PTPRN2: variants seen among roughly 807,000 people sequenced by gnomAD.
The protein encoded by PTPRN2 is receptor-type tyrosine-protein phosphatase N2.
A neutral mutation model predicts 118.8 loss-of-function variants in PTPRN2; 74 were observed. That is an observed-to-expected ratio of 0.62 (90% CI 0.52 to 0.76). PTPRN2 has a LOEUF of 0.76. Among genes scored for constraint, PTPRN2 ranks in the 30% least tolerant of loss-of-function variants. PTPRN2 has a pLI of 0.00. For missense variants in PTPRN2, 1,481 were observed against 1,394.4 expected, an observed-to-expected ratio of 1.06 and a Z score of -0.99; for synonymous variants, 641 against 608.0, an observed-to-expected ratio of 1.05 and a Z score of -0.80.
rs189299492 is a variant in PTPRN2 at position 157,845,480 on chromosome 7, G to A, written c.1788+53193C>T. Among the ~76,000 whole-genome samples, 86 of 151,692 alleles carry A rather than the reference G, an allele frequency of 5.7e-4. No homozygotes were observed. Among genetic ancestry groups the A allele is most frequent in the African/African-American group, 1.8e-3 (76 of 41,292 alleles). On this transcript the variant is annotated intron_variant, in intron 12 of 22. Coordinates refer to ENST00000389418, the MANE Select transcript of PTPRN2 (RefSeq NM_002847.5). The surrounding 1 kb of genome is among the most constrained non-coding windows in gnomAD (Gnocchi z 4.5). ...ACACAGCCTAACTCACCATGTTCCCGACCACACCCTGGTGAACCACGCAGC... is the reference window on the plus strand; with the variant it reads ...ACACAGCCTAACTCACCATGTTCCCAACCACACCCTGGTGAACCACGCAGC...
intron 12 of PTPRN2, among the ~76,000 whole-genome samples, chr7:157,743,277 C>G (rs929521723): frequency 6.6e-6 from 1 of 152,260 alleles, no homozygotes; most frequent in Non-Finnish European, 1.5e-5. Flanking sequence ...GAATGTCAGC[C>G]GCCTTCCACA....
intron 11 of PTPRN2, among the ~76,000 whole-genome samples, chr7:158,058,930 C>T (rs1395753417): frequency 1.8e-5 from 2 of 108,324 alleles, no homozygotes; most frequent in Non-Finnish European, 3.6e-5. Flanking sequence ...GACATCACTG[C>T]AGCCACACTC....
chr7:157,673,763 C>T lies in PTPRN2; in HGVS notation c.2001+8962G>A, dbSNP rs560156946. On this transcript the variant is annotated intron_variant, in intron 13 of 22. Coordinates refer to ENST00000389418, the MANE Select transcript of PTPRN2 (RefSeq NM_002847.5). ...CTTCCTCTCCCACGTTCTGTTCTCA[C>T]GTACTCTGAACCCCACGCGGCACCC... 2.4e-4 allele frequency among the ~76,000 whole-genome samples: 36 copies of T among 152,278 alleles called. No homozygotes were observed. The South Asian group carries it at 5.8e-3, about 25-fold the overall frequency.
At chr7:158,557,288 T>C (rs1383663777) in intron 1 of PTPRN2, among the ~76,000 whole-genome samples, 15 of 129,348 alleles carry the variant, frequency 1.2e-4, no homozygotes, top group Non-Finnish European at 2.4e-4. Flanking sequence ...GCGGCTCCTG[T>C]GCAGGTCGCT....
At chr7:158,275,628 A>T (rs1400367918) in intron 3 of PTPRN2, among the ~76,000 whole-genome samples, 2 of 152,258 alleles carry the variant, frequency 1.3e-5, no homozygotes, top group African/African-American at 2.4e-5. Flanking sequence ...TTAATAATTT[A>T]AAATTGCTAA....
chr7:157,679,716 T>G (rs917396), intron 13 of PTPRN2, among the ~76,000 whole-genome samples: 121,890 of 147,634 alleles, frequency 0.83, 49,842 homozygotes, highest in Non-Finnish European at 0.9. Context: ...GGGTCGGGGC[T>G]GGGGGGTTCT....
chr7:157,645,649 G>C lies in PTPRN2; in HGVS notation c.2196+10708C>G, dbSNP rs114183537. 4.8e-3 allele frequency among the ~76,000 whole-genome samples: 728 copies of C among 152,320 alleles called. 4 individuals are homozygous for C. The highest frequency in any genetic ancestry group is 0.016 in the African/African-American group (672 of 41,558). The stretch of plus-strand genomic sequence containing the variant: ...GCTGTTAGGAGGGTGGGGCCGGGCT[G>C]TACACACTCATGCAGGGCCCTCTCC... On this transcript the variant is annotated intron_variant, in intron 14 of 22. Transcript: ENST00000389418.
chr7:157,789,347 G>A (rs544237454), intron 12 of PTPRN2, among the ~76,000 whole-genome samples: 6 of 152,304 alleles, frequency 3.9e-5, no homozygotes, highest in African/African-American at 1.4e-4. Flanking sequence ...CCTCCTGGTG[G>A]TCCCGGGGCA....
chr7:158,314,998 G>A (rs112091415), intron 3 of PTPRN2, among the ~76,000 whole-genome samples: 526 of 99,648 alleles, frequency 5.3e-3, no homozygotes, highest in African/African-American at 8.1e-3. Flanking sequence ...AGGTGAACCC[G>A]GGACCCCCTG....
intron 5 of PTPRN2, among the ~76,000 whole-genome samples, chr7:158,177,839 T>C (rs1824353742): frequency 1.3e-5 from 2 of 152,248 alleles, no homozygotes; most frequent in African/African-American, 2.4e-5. Flanking sequence ...GATACGTGTG[T>C]AAATCTTTGA....
chr7:157,666,419 A>C (rs1405689844), intron 13 of PTPRN2, among the ~76,000 whole-genome samples: 1 of 152,070 alleles, frequency 6.6e-6, no homozygotes, highest in Non-Finnish European at 1.5e-5. Context: ...ACGGTTTTGC[A>C]GGTCATCTCC....
intron 11 of PTPRN2, among the ~76,000 whole-genome samples, chr7:157,918,497 G>A (rs1245194974): frequency 1.3e-5 from 2 of 152,156 alleles, no homozygotes; most frequent in Admixed American, 6.5e-5. Flanking sequence ...AGCAGGGGAA[G>A]TCATCTTCCT....
intron 12 of PTPRN2, among the ~76,000 whole-genome samples, chr7:157,840,933 A>C (rs796719621): frequency 6.6e-6 from 1 of 152,166 alleles, no homozygotes; most frequent in African/African-American, 2.4e-5. Context: ...CGGGGGCTGG[A>C]GCCACCACCT....
intron 12 of PTPRN2, among the ~76,000 whole-genome samples, chr7:157,747,387 G>A (rs539270847): frequency 1.5e-3 from 216 of 139,580 alleles, no homozygotes; most frequent in African/African-American, 5.6e-3. Context: ...TGAGCTGTGG[G>A]CTGTTGAGGT....
intron 12 of PTPRN2, among the ~76,000 whole-genome samples, chr7:157,811,270 CA>C (rs34148043): frequency 0.14 from 17,778 of 126,536 alleles, 1,451 homozygotes; most frequent in African/African-American, 0.22. Context: ...GACTCCATCT[CA>C]AAAAAAAAAA....
intron 3 of PTPRN2, among the ~76,000 whole-genome samples, chr7:158,249,924 G>A (rs1266782329): frequency 6.6e-6 from 1 of 152,224 alleles, no homozygotes; most frequent in East Asian, 1.9e-4. Context: ...TGTCATAAAT[G>A]CATCTGAGTG....
At chr7:158,008,471 G>A (rs184787877) in intron 11 of PTPRN2, among the ~76,000 whole-genome samples, 39 of 152,352 alleles carry the variant, frequency 2.6e-4, no homozygotes, top group East Asian at 1.5e-3. Context: ...TGTCCCGCGC[G>A]CGTGGTGGCG....
rs1391143484 is a variant in PTPRN2 at position 158,110,913 on chromosome 7, G to A, written c.1559C>T (p.Pro520Leu). The A allele has an allele frequency of 1.9e-6, 3 of 1,559,668 alleles. No individual in the cohort carries two copies. The East Asian group carries it at 7.1e-5, about 37-fold the overall frequency. ...ARGYIVTDRD[P>L]LRPEEGRRLV... ...CCGCCTTCCTTCCTCGGGGCGCAGG[G>A]GGCTGCGGATGACAGCAGGGATGGG... is the stretch of plus-strand genomic sequence containing the variant. Residue 520 changes from proline (P) to leucine (L), a missense_variant and splice_region_variant, in exon 10 of 23, where the codon CCC (proline) becomes CTC (leucine). Around this residue, in one of 3 missense-constraint regions of PTPRN2, gnomAD observed 1,115 missense variants for 994.2 expected, o/e 1.12. Coordinates refer to ENST00000389418, the MANE Select transcript of PTPRN2 (RefSeq NM_002847.5).
At chr7:157,970,640 C>CCA (rs1563285099) in intron 11 of PTPRN2, among the ~76,000 whole-genome samples, 2 of 150,024 alleles carry the variant, frequency 1.3e-5, no homozygotes, top group Admixed American at 6.6e-5. Context: ...GAGCGGACCC[C>CCA]CCCCCCCACA....
Sources: allele counts gnomAD v4.1 joint callset (sites outside exome capture counted in the v4.1 genomes callset), GRCh38; gene constraint gnomAD v4.1.1; regional missense constraint gnomAD v4.1.1; non-coding constraint Gnocchi (gnomAD v3.1); transcripts MANE v1.5; gene names NCBI Gene and HGNC (gene_info 2026-07-23, HGNC 2026-07-21).